The following COPG2 variants were observed in gnomAD, a reference collection of about 807,000 sequenced individuals.
The protein encoded by COPG2 is coatomer subunit gamma-2.
In COPG2, 37 loss-of-function variants were observed where a neutral mutation model predicts 46.3. That is an observed-to-expected ratio of 0.80 (90% CI 0.61 to 1.05). The LOEUF is 1.05. COPG2 is among the 50% of genes least tolerant of loss of function. The pLI, the probability that COPG2 is intolerant of heterozygous loss-of-function variation, is 0.00. For missense variants in COPG2, 427 were observed against 387.8 expected (o/e 1.10, Z -0.85); for synonymous variants, 159 against 129.7 (o/e 1.23, Z -1.53).
Position 130,666,929 on chromosome 7 carries a change from C to T in COPG2, c.91G>A (p.Ala31Thr). ...ATTGGAGTTTCATTGAATATACGAG[C>T]CTATGAAAAAACATAAAAAACATTG... ...HLEKSAVLQE[A>T]RIFNETPINP... The change falls in exon 3 of 24, where the codon GCT becomes ACT. Residue 31 changes from alanine (A) to threonine (T), a missense_variant and splice_region_variant. By Grantham distance (58) the Ala-to-Thr change is moderately conservative (BLOSUM62 0). Coordinates refer to ENST00000425248, the MANE Select transcript of COPG2 (RefSeq NM_012133.6). 1 of 1,525,984 alleles carries T rather than the reference C, an allele frequency of 6.6e-7. No homozygotes were observed. The allele number at this position is 1,525,984 out of a possible 1,614,324, so 94.5% of individuals were successfully genotyped here.
intron 20 of COPG2, among the ~76,000 whole-genome samples, chr7:130,535,437 G>C (rs1451611181): frequency 2.0e-5 from 3 of 151,944 alleles, no homozygotes; most frequent in Admixed American, 6.5e-5. Flanking sequence ...GCGAGGTGAA[G>C]GGGGAGGTCC....
chr7:130,548,321 T>C, intron 19 of COPG2, 82 bp downstream of exon 19: 2 of 397,500 alleles, frequency 5.0e-6, no homozygotes, highest in Non-Finnish European at 8.9e-6. Context: ...TAATAGAAAC[T>C]AGAATTATAG....
chr7:130,578,253 A>G (rs1287987677), intron 9 of COPG2, among the ~76,000 whole-genome samples: 131 of 147,742 alleles, frequency 8.9e-4, no homozygotes, highest in South Asian at 2.2e-3. Flanking sequence ...CACCTCACAC[A>G]GCAGGGTATT....
rs995295032 is a variant in COPG2, at chr7:130,605,066, T to C, written c.737+5887A>G. 57 of 435,910 alleles carry C rather than the reference T, an allele frequency of 1.3e-4. No individual in the cohort carries two copies. The Admixed American group carries it at 1.4e-3, about 10-fold the overall frequency. 27.0% of individuals were successfully genotyped at this position (435,910 alleles called of 1,614,324 possible). ...TCTTTTTTGCTCCATTCTATCACCTTTGCTTCCAGATTCCAATTACATATG... is the reference window on the plus strand; with the variant it reads ...TCTTTTTTGCTCCATTCTATCACCTCTGCTTCCAGATTCCAATTACATATG... On this transcript the variant is annotated intron_variant, in intron 9 of 23. Transcript: ENST00000425248.
intron 20 of COPG2, among the ~76,000 whole-genome samples, chr7:130,530,369 A>G (rs1799812233): frequency 6.6e-6 from 1 of 152,138 alleles, no homozygotes; most frequent in South Asian, 2.1e-4. Context: ...AGCCTTCTTG[A>G]TGGAACAGAA....
chr7:130,644,990 A>T (rs1563069503), intron 5 of COPG2, among the ~76,000 whole-genome samples: 1 of 151,188 alleles, frequency 6.6e-6, no homozygotes, highest in East Asian at 2.0e-4. Flanking sequence ...TGAACCCAGG[A>T]GGCAGAGATT....
At chr7:130,619,479 G>A (rs373054270) in intron 5 of COPG2, among the ~76,000 whole-genome samples, 94 of 152,182 alleles carry the variant, frequency 6.2e-4, no homozygotes, top group African/African-American at 2.2e-3. Context: ...ATGCACGTAA[G>A]CTTTCTCCTC....
chr7:130,667,735 T>C (rs1554461683), intron 1 of COPG2, among the ~76,000 whole-genome samples: 1 of 152,250 alleles, frequency 6.6e-6, no homozygotes, highest in East Asian at 1.9e-4. Context: ...CTGAGACTTC[T>C]CTTTCGCAGC....
chr7:130,614,294 C>A (rs1794908152), intron 6 of COPG2, among the ~76,000 whole-genome samples: 1 of 152,046 alleles, frequency 6.6e-6, no homozygotes, highest in Non-Finnish European at 1.5e-5. Context: ...ACGCTGCTAC[C>A]AATGTAATGC....
At chr7:130,630,566 T>C (rs1795209509) in intron 5 of COPG2, among the ~76,000 whole-genome samples, 1 of 152,230 alleles carries the variant, frequency 6.6e-6, no homozygotes, top group Admixed American at 6.5e-5. Flanking sequence ...TTTTGAGAGA[T>C]GAGTACTGAA....
intron 20 of COPG2, among the ~76,000 whole-genome samples, chr7:130,519,100 G>T (rs900231521): frequency 4.2e-4 from 64 of 152,164 alleles, no homozygotes; most frequent in African/African-American, 1.5e-3. Context: ...TTAGGTTGGG[G>T]TGCTGAGCAT....
chr7:130,579,175 G>A (rs1295463970), intron 9 of COPG2, among the ~76,000 whole-genome samples: 1 of 119,786 alleles, frequency 8.3e-6, no homozygotes, highest in Non-Finnish European at 1.7e-5. Context: ...CAAGCCAGAA[G>A]AGAGTGGGGG....
chr7:130,579,665 A>C (rs868940215), intron 9 of COPG2, among the ~76,000 whole-genome samples: 5,569 of 151,700 alleles, frequency 0.037, 145 homozygotes, highest in Non-Finnish European at 0.061. Context: ...TCTACCAAGC[A>C]AATGGAAAAC....
At chr7:130,626,476 C>T (rs1795122140) in intron 5 of COPG2, among the ~76,000 whole-genome samples, 1 of 150,084 alleles carries the variant, frequency 6.7e-6, no homozygotes, top group Non-Finnish European at 1.5e-5. Flanking sequence ...GTCTCGAACA[C>T]CTGACCTCAT....
chr7:130,591,621 C>T (rs574506724), intron 9 of COPG2, among the ~76,000 whole-genome samples: 120 of 145,180 alleles, frequency 8.3e-4, no homozygotes, highest in African/African-American at 2.9e-3. Flanking sequence ...GCCCCGCACC[C>T]GGCCAGCCGC....
At chr7:130,531,342 C>G (rs914464982) in intron 20 of COPG2, among the ~76,000 whole-genome samples, 1 of 152,008 alleles carries the variant, frequency 6.6e-6, no homozygotes, top group African/African-American at 2.4e-5. Flanking sequence ...AGTAGCCTCA[C>G]GTAGGGTGCA....
chr7:130,516,181 T>G (rs1799676351), intron 20 of COPG2, among the ~76,000 whole-genome samples: 1 of 152,182 alleles, frequency 6.6e-6, no homozygotes, highest in Admixed American at 6.5e-5. Flanking sequence ...TCACTTAGTA[T>G]TGACCAAAAA....
chr7:130,658,170 A>C (rs1795893865), intron 4 of COPG2, among the ~76,000 whole-genome samples: 2 of 152,234 alleles, frequency 1.3e-5, no homozygotes, highest in South Asian at 4.1e-4. Flanking sequence ...CAAACAGATA[A>C]ACAGAGGTAC....
intron 5 of COPG2, among the ~76,000 whole-genome samples, chr7:130,635,873 A>C (rs1160147930): frequency 3.9e-5 from 6 of 152,190 alleles, no homozygotes; most frequent in African/African-American, 1.4e-4. Flanking sequence ...ACACTGCTTT[A>C]GCTGTGTCCC....
Sources: allele counts gnomAD v4.1 joint callset (sites outside exome capture counted in the v4.1 genomes callset), GRCh38; gene constraint gnomAD v4.1.1; transcripts MANE v1.5; gene names NCBI Gene and HGNC (gene_info 2026-07-23, HGNC 2026-07-21).